Variants in RNF185 observed in about 807,000 individuals in gnomAD.
RNF185 encodes the protein E3 ubiquitin-protein ligase RNF185.
A neutral mutation model predicts 24.9 loss-of-function variants in RNF185; 13 were observed. The ratio of observed to expected loss-of-function variants is 0.52; its 90% CI spans 0.34 to 0.83. The LOEUF (loss-of-function observed/expected upper bound fraction) is 0.83, where lower values mean the gene tolerates loss of function less well. RNF185 is among the 40% of genes least tolerant of loss of function. RNF185 has a pLI of 0.01. For missense variants in RNF185, 184 were observed against 244.7 expected (o/e 0.75, Z 1.65); for synonymous variants, 79 against 90.3 (o/e 0.88, Z 0.71).
intron 1 of RNF185, among the ~76,000 whole-genome samples, chr22:31,177,111 TC>T (rs1237177341): frequency 6.6e-6 from 1 of 152,150 alleles, no homozygotes; most frequent in East Asian, 1.9e-4. Flanking sequence ...ATGCACTTGT[TC>T]CTTGTACTGT....
chr22:31,167,932 T>A (rs1924032062), intron 1 of RNF185, among the ~76,000 whole-genome samples: 1 of 152,170 alleles, frequency 6.6e-6, no homozygotes, highest in Non-Finnish European at 1.5e-5. Context: ...TAAATTGTAG[T>A]GAAATTCATA....
intron 6 of RNF185, among the ~76,000 whole-genome samples, chr22:31,202,814 CTG>C (rs1255106183): frequency 6.6e-6 from 1 of 152,050 alleles, no homozygotes; most frequent in African/African-American, 2.4e-5. Flanking sequence ...CAGGGTTTCA[CTG>C]TGTTAGCCAG....
chr22:31,192,555 T>G, intron 2 of RNF185, 129 bp from the exon 3 acceptor site: 1 of 784,162 alleles, frequency 1.3e-6, no homozygotes, highest in Non-Finnish European at 2.3e-6. Context: ...TGCTCCATAG[T>G]TTACTCCTGT....
At chr22:31,182,935 A>ATTATTATTT (rs1489128487) in intron 1 of RNF185, 1 of 148,718 alleles carries the variant, frequency 6.7e-6, no homozygotes, top group African/African-American at 2.5e-5. Flanking sequence ...TATTATTATT[A>ATTATTATTT]TTTTTGAGAT....
chr22:31,187,297 G>A, intron 2 of RNF185, 27 bp downstream of exon 2: 1 of 1,611,762 alleles, frequency 6.2e-7, no homozygotes, highest in African/African-American at 1.3e-5. Flanking sequence ...CCACCCCAGA[G>A]AGCACATTGC....
At chr22:31,192,844 C>T (rs1423814446) in intron 3 of RNF185, 142 bp downstream of exon 3, 4 of 720,022 alleles carry the variant, frequency 5.6e-6, no homozygotes, top group Non-Finnish European at 9.7e-6. Context: ...GCCTTCTTTA[C>T]ATACCTGTCC....
chr22:31,188,301 A>T (rs964130820), intron 2 of RNF185, among the ~76,000 whole-genome samples: 1 of 152,196 alleles, frequency 6.6e-6, no homozygotes, highest in Non-Finnish European at 1.5e-5. Context: ...ACATCAATTT[A>T]TTGGTGAATA....
intron 6 of RNF185, among the ~76,000 whole-genome samples, chr22:31,203,695 T>A (rs992339501): frequency 3.9e-5 from 6 of 152,200 alleles, no homozygotes; most frequent in African/African-American, 1.4e-4. Context: ...GTCCTTATTG[T>A]TATTGTTCCA....
chr22:31,206,217 T>C lies in RNF185; in HGVS notation c.*1631T>C, dbSNP rs1164223808. 1 of 152,618 alleles carries C rather than the reference T, an allele frequency of 6.6e-6. No individual in the cohort carries two copies. Among genetic ancestry groups the C allele is most frequent in the Admixed American group, 6.6e-5 (1 of 15,260 alleles). The allele number at this position is 152,618 out of a possible 1,614,324, so 9.5% of individuals were successfully genotyped here. On this transcript the variant is annotated 3_prime_UTR_variant, in exon 7 of 7. Coordinates refer to ENST00000326132, the MANE Select transcript of RNF185 (RefSeq NM_152267.4). ...CCCTCTTCACAGTCCCCATCTCTTC[T>C]CCTTTGTACCTGTCAACACCAGAGT...
At chr22:31,180,865 A>G (rs1315704959) in intron 1 of RNF185, among the ~76,000 whole-genome samples, 1 of 151,920 alleles carries the variant, frequency 6.6e-6, no homozygotes, top group East Asian at 1.9e-4. Context: ...AATCCCAGAA[A>G]TAACTGTTGA....
At position 31,201,440 on chromosome 22, in the gene RNF185, C is replaced by G. The variant is rs913043858; in HGVS notation, c.364-58C>G. ...CAACGTGAGGTATGTTGAGTTTTGACAGGCACAGGAGAAACCTGCCTGATT... is the reference window on the plus strand; with the variant it reads ...CAACGTGAGGTATGTTGAGTTTTGAGAGGCACAGGAGAAACCTGCCTGATT... On this transcript the variant is annotated intron_variant, in intron 5 of 6. Coordinates refer to ENST00000326132, the MANE Select transcript of RNF185 (RefSeq NM_152267.4). 5.6e-6 allele frequency: 7 copies of G among 1,259,334 alleles called. No individual in the cohort carries two copies. In the African/African-American group the frequency reaches 1.0e-4, roughly 19 times the overall value. The allele number at this position is 1,259,334 out of a possible 1,614,324, so 78.0% of individuals were successfully genotyped here.
intron 2 of RNF185, among the ~76,000 whole-genome samples, chr22:31,188,135 G>C (rs555714719): frequency 2.0e-4 from 31 of 152,234 alleles, no homozygotes; most frequent in African/African-American, 7.5e-4. Flanking sequence ...GGAGTGTTAG[G>C]AAAAATAATG....
intron 6 of RNF185, among the ~76,000 whole-genome samples, chr22:31,204,172 G>A (rs1380165000): frequency 6.6e-6 from 1 of 151,052 alleles, no homozygotes; most frequent in Non-Finnish European, 1.5e-5. Flanking sequence ...GTGAAACCCC[G>A]TCTCTACTAA....
At chr22:31,190,988 C>T (rs2048150658) in intron 2 of RNF185, among the ~76,000 whole-genome samples, 1 of 152,184 alleles carries the variant, frequency 6.6e-6, no homozygotes. Flanking sequence ...AGGTTTGTAG[C>T]TTAGGAGCAA....
intron 1 of RNF185, among the ~76,000 whole-genome samples, chr22:31,164,045 A>G (rs1433334914): frequency 2.0e-5 from 3 of 151,464 alleles, no homozygotes; most frequent in Admixed American, 6.6e-5. Context: ...GCGGTGGGAC[A>G]GTCTCAGCTC....
At chr22:31,178,056 G>A (rs2048000039) in intron 1 of RNF185, among the ~76,000 whole-genome samples, 1 of 152,210 alleles carries the variant, frequency 6.6e-6, no homozygotes, top group East Asian at 1.9e-4. Context: ...GTCAACTTCA[G>A]CCGCCAGGCT....
rs2048197390 is a variant in RNF185, at chr22:31,195,520, A to G, written c.247A>G (p.Ile83Val). The part of the protein sequence containing the change: ...RQVCPVCKAG[I>V]SRDKVIPLYG... ...GGTGTGTCCTGTTTGCAAAGCTGGC[A>G]TCAGCCGAGACAAGGTCATCCCCCT... is the stretch of plus-strand genomic sequence containing the variant. Residue 83 changes from isoleucine to valine, a missense_variant, in exon 4 of 7, where the codon ATC (isoleucine) becomes GTC (valine). By Grantham distance (29) the Ile-to-Val change is conservative. Transcript: ENST00000326132. The G allele has an allele frequency of 1.2e-6, 2 of 1,611,596 alleles. No individual in the cohort carries two copies. The highest frequency in any genetic ancestry group is 1.3e-5 in the African/African-American group (1 of 74,836).
intron 1 of RNF185, among the ~76,000 whole-genome samples, chr22:31,162,415 C>G (rs2147913377): frequency 6.6e-6 from 1 of 152,160 alleles, no homozygotes; most frequent in African/African-American, 2.4e-5. Flanking sequence ...GTTCTTCAGG[C>G]CACTGGTCTG....
chr22:31,184,997 A>T (rs527454438), intron 1 of RNF185, among the ~76,000 whole-genome samples: 6 of 151,146 alleles, frequency 4.0e-5, no homozygotes, highest in African/African-American at 1.2e-4. Flanking sequence ...TTTTTTTTTA[A>T]AAAGAAACAC....
Sources: allele counts gnomAD v4.1 joint callset (sites outside exome capture counted in the v4.1 genomes callset), GRCh38; gene constraint gnomAD v4.1.1; transcripts MANE v1.5; gene names NCBI Gene and HGNC (gene_info 2026-07-23, HGNC 2026-07-21).